Variants in PCDHA5 observed in about 807,000 individuals in gnomAD.
PCDHA5 encodes the protein protocadherin alpha-5.
Under a neutral mutation model 61.6 loss-of-function variants are expected in PCDHA5, and 43 were observed. The ratio of observed to expected loss-of-function variants is 0.70; its 90% CI spans 0.55 to 0.90. The LOEUF (loss-of-function observed/expected upper bound fraction) is 0.90. Ranked by LOEUF, PCDHA5 falls within the 40% of genes least tolerant of loss-of-function variation. The pLI, the probability that PCDHA5 is intolerant of heterozygous loss-of-function variation, is 0.00. For missense variants in PCDHA5, 1,298 were observed against 1,222.7 expected (o/e 1.06, Z -0.92); for synonymous variants, 627 against 543.9 (o/e 1.15, Z -2.13).
At chr5:140,869,228 G>T (rs782726206) in intron 1 of PCDHA5, 1 of 1,613,764 alleles carries the variant, frequency 6.2e-7, no homozygotes, top group South Asian at 1.1e-5. Flanking sequence ...GCCAAACACG[G>T]CACCTTCGTG....
chr5:140,924,944 TA>T (rs11334471), intron 1 of PCDHA5, among the ~76,000 whole-genome samples: 51,245 of 142,818 alleles, frequency 0.36, 9,188 homozygotes, highest in East Asian at 0.56. Flanking sequence ...AATAAAAAGT[TA>T]AAAAAAAAAT....
intron 1 of PCDHA5, among the ~76,000 whole-genome samples, chr5:140,933,894 A>G (rs2089494206): frequency 6.6e-6 from 1 of 151,894 alleles, no homozygotes; most frequent in Non-Finnish European, 1.5e-5. Context: ...ACTTTTGAAT[A>G]TTTTGGCATA....
chr5:140,842,394 C>T (rs2150335201), intron 1 of PCDHA5: 6 of 1,611,212 alleles, frequency 3.7e-6, no homozygotes, highest in Admixed American at 3.3e-5. Flanking sequence ...TTATCCTTGC[C>T]TGTACGTGAA....
chr5:140,860,192 C>CATATATATATATAT (rs143984774), intron 1 of PCDHA5: 1 of 146,860 alleles, frequency 6.8e-6, no homozygotes, highest in African/African-American at 2.5e-5. Context: ...GCTCTCCTTA[C>CATATATATATATAT]ATATATATCT....
At chr5:140,966,695 C>CGGGCGTG in intron 1 of PCDHA5, 1 of 1,358,486 alleles carries the variant, frequency 7.4e-7, no homozygotes, top group Non-Finnish European at 9.5e-7. Flanking sequence ...AGGCGGGGCC[C>CGGGCGTG]GGGCGTGGGG....
intron 1 of PCDHA5, among the ~76,000 whole-genome samples, chr5:140,879,793 C>T (rs1417873343): frequency 2.0e-5 from 3 of 152,192 alleles, no homozygotes; most frequent in Admixed American, 6.5e-5. Flanking sequence ...GTTTTTGTTT[C>T]TTCCAGTTTC....
At chr5:140,989,947 T>G (rs2097368215) in intron 3 of PCDHA5, among the ~76,000 whole-genome samples, 1 of 152,062 alleles carries the variant, frequency 6.6e-6, no homozygotes, top group Non-Finnish European at 1.5e-5. Context: ...CACGTTTTTC[T>G]CGGTGAGACC....
rs1554140287 is a variant in PCDHA5 at position 140,843,629 on chromosome 5, A to T, written c.2352+19502A>T. ...TGAGGGGCCACCGAAGACGGACCTC[A>T]TGGCCTTCAGCCCCTGCCTTCCTCC... is the stretch of plus-strand genomic sequence containing the variant. On this transcript the variant is annotated intron_variant, in intron 1 of 3. Transcript: ENST00000529859. 3.1e-6 allele frequency: 5 copies of T among 1,595,972 alleles called. No homozygotes were observed. The East Asian group carries it at 8.9e-5, about 28-fold the overall frequency.
chr5:140,985,683 G>A (rs926848363), intron 3 of PCDHA5, among the ~76,000 whole-genome samples: 3 of 151,224 alleles, frequency 2.0e-5, no homozygotes, highest in African/African-American at 7.3e-5. Context: ...CCTGCCTTAC[G>A]CTAATCCTCG....
Position 140,828,616 on chromosome 5 carries a change from C to A in PCDHA5, c.2352+4489C>A, listed in dbSNP as rs2150157391. 16 of 1,614,024 alleles carry A rather than the reference C, an allele frequency of 9.9e-6. No homozygotes were observed. The African/African-American group carries it at 1.3e-4, about 13-fold the overall frequency. ...TCTTAACCTATAAACTCAGTTCTAG[C>A]GAATACTTCGGGCTAGATGTGAAAA... is the stretch of plus-strand genomic sequence containing the variant. On this transcript the variant is annotated intron_variant, in intron 1 of 3. Transcript: ENST00000529859.
intron 1 of PCDHA5, among the ~76,000 whole-genome samples, chr5:140,896,002 G>A (rs1485647299): frequency 1.3e-5 from 2 of 152,082 alleles, no homozygotes; most frequent in Non-Finnish European, 2.9e-5. Flanking sequence ...GTAGAGACAG[G>A]GTTTCTCCAT....
intron 1 of PCDHA5, chr5:140,883,399 T>C (rs143292342): frequency 3.1e-5 from 50 of 1,614,100 alleles, no homozygotes; most frequent in Non-Finnish European, 4.1e-5. Flanking sequence ...TGTCCGATCG[T>C]GACTCTGGCT....
rs2150486791 is a variant in PCDHA5 at position 140,850,510 on chromosome 5, G to C, written c.2352+26383G>C. The C allele has an allele frequency of 3.8e-6, 6 of 1,598,136 alleles. No homozygotes were observed. In the African/African-American group the frequency reaches 4.0e-5, roughly 11 times the overall value. On this transcript the variant is annotated intron_variant, in intron 1 of 3. Coordinates refer to ENST00000529859, the MANE Select transcript of PCDHA5 (RefSeq NM_018908.3). ...ACTGTGCTGGTGTCGCTGGTGGAGA[G>C]CGGCCAGGCGCCAAAGTCATCGTCG...
At chr5:141,005,687 G>A (rs1454342103) in intron 3 of PCDHA5, among the ~76,000 whole-genome samples, 3 of 116,164 alleles carry the variant, frequency 2.6e-5, no homozygotes, top group African/African-American at 7.0e-5. Context: ...GGGCGACAGA[G>A]CGAAACTCCG....
At chr5:140,866,241 A>C (rs1554160141) in intron 1 of PCDHA5, 1 of 152,134 alleles carries the variant, frequency 6.6e-6, no homozygotes, top group African/African-American at 2.4e-5. Context: ...ATATACCAAA[A>C]ATGACACCCT....
At chr5:140,917,329 G>GGGGGGGGGGGGT (rs1563018868) in intron 1 of PCDHA5, among the ~76,000 whole-genome samples, 1 of 143,928 alleles carries the variant, frequency 6.9e-6, no homozygotes, top group Non-Finnish European at 1.5e-5. Context: ...TGTGGCGGGG[G>GGGGGGGGGGGGT]AGGGGGGGGA....
chr5:140,967,670 G>A (rs1554229754), intron 1 of PCDHA5: 1 of 1,614,092 alleles, frequency 6.2e-7, no homozygotes, highest in Non-Finnish European at 8.5e-7. Flanking sequence ...CTACACGTCG[G>A]ACCGGGAGAG....
chr5:140,895,257 T>A (rs1180344268), intron 1 of PCDHA5, among the ~76,000 whole-genome samples: 8 of 152,212 alleles, frequency 5.3e-5, no homozygotes, highest in Non-Finnish European at 8.8e-5. Context: ...AGCTTTCTTT[T>A]TTTTCTTACT....
At chr5:140,844,093 C>A (rs2150368688) in intron 1 of PCDHA5, among the ~76,000 whole-genome samples, 1 of 149,604 alleles carries the variant, frequency 6.7e-6, no homozygotes, top group African/African-American at 2.4e-5. Context: ...AACTCTTAAT[C>A]TTACTCCATA....
Sources: gnomAD v4.1 joint callset for allele counts (sites outside exome capture counted in the v4.1 genomes callset) on GRCh38, gnomAD v4.1.1 for gene constraint, MANE v1.5 for transcripts, NCBI Gene and HGNC (gene_info 2026-07-23, HGNC 2026-07-21) for gene names.